Variants in CACNA1C observed in about 807,000 individuals in gnomAD.
CACNA1C encodes the protein calcium voltage-gated channel subunit alpha1 C, also known as voltage-dependent L-type calcium channel subunit alpha-1C.
Under a neutral mutation model 229.0 loss-of-function variants are expected in CACNA1C, and 30 were observed. The ratio of observed to expected loss-of-function variants is 0.13; its 90% CI spans 0.10 to 0.18. The LOEUF is 0.18. CACNA1C is among the 10% of genes least tolerant of loss of function. The probability of loss-of-function intolerance (pLI) is 1.00; values close to 1 mark genes in which losing one functional copy is unlikely to be tolerated. For synonymous variants in CACNA1C, 1,114 were observed against 1,132.5 expected (o/e 0.98, Z 0.33); for missense variants, 1,658 against 2,845.0 (o/e 0.58, Z 9.49).
At chr12:2,385,758 C>G (rs2098371846) in intron 3 of CACNA1C, among the ~76,000 whole-genome samples, 1 of 152,172 alleles carries the variant, frequency 6.6e-6, no homozygotes, top group Non-Finnish European at 1.5e-5. Flanking sequence ...ACATGGGCTA[C>G]AAATAGGTGG....
chr12:2,339,271 G>A (rs2096790592), intron 3 of CACNA1C, among the ~76,000 whole-genome samples: 1 of 152,220 alleles, frequency 6.6e-6, no homozygotes, highest in Non-Finnish European at 1.5e-5. Flanking sequence ...AAGGTACAAA[G>A]TACAGTATAA....
At chr12:2,655,439 T>G (rs999153632) in intron 34 of CACNA1C, among the ~76,000 whole-genome samples, 2 of 152,200 alleles carry the variant, frequency 1.3e-5, no homozygotes, top group Admixed American at 6.5e-5. Context: ...CACTATGCAC[T>G]GGCACACCTG....
Position 2,486,435 on chromosome 12 carries a change from CA to C in CACNA1C, c.916+174del, listed in dbSNP as rs1232993473. ...GCAGAGACCCGTATCCTTTTTTTCT[CA>C]GTTCCAATTTTTGTTTTAATCTCTG... On this transcript the variant is annotated intron_variant, in intron 6 of 46. Coordinates refer to ENST00000399655, the MANE Select transcript of CACNA1C (RefSeq NM_000719.7). The surrounding 1 kb of genome is among the most constrained non-coding windows in gnomAD (Gnocchi z 4.9). 6.6e-6 allele frequency among the ~76,000 whole-genome samples: 1 copy of C among 152,158 alleles called. No homozygotes were observed. The highest frequency in any genetic ancestry group is 1.5e-5 in the Non-Finnish European group (1 of 68,016).
At chr12:2,421,929 C>T (rs568345435) in intron 3 of CACNA1C, among the ~76,000 whole-genome samples, 6 of 151,846 alleles carry the variant, frequency 4.0e-5, no homozygotes, top group African/African-American at 1.4e-4. Context: ...AAAAAAGCAT[C>T]GCAATTCTCT....
intron 3 of CACNA1C, among the ~76,000 whole-genome samples, chr12:2,131,848 A>C (rs879405431): frequency 3.5e-3 from 514 of 147,822 alleles, no homozygotes; most frequent in Middle Eastern, 0.011. Flanking sequence ...GAAGAAAGTC[A>C]TTGGTAGCTT....
At chr12:2,570,080 G>A (rs1230795447) in intron 13 of CACNA1C, among the ~76,000 whole-genome samples, 2 of 152,160 alleles carry the variant, frequency 1.3e-5, no homozygotes, top group Admixed American at 6.5e-5. Flanking sequence ...CTTAATGTGC[G>A]TTATGATCAA....
chr12:2,247,266 C>T (rs550780795), intron 3 of CACNA1C, among the ~76,000 whole-genome samples: 4 of 152,312 alleles, frequency 2.6e-5, no homozygotes, highest in East Asian at 3.9e-4. Flanking sequence ...GGAGCACCCT[C>T]GCCTTTTCCT....
chr12:2,018,801 A>G (rs2045874390), intron 1 of CACNA1C, among the ~76,000 whole-genome samples: 1 of 152,212 alleles, frequency 6.6e-6, no homozygotes, highest in Non-Finnish European at 1.5e-5. Context: ...CAAAATTTAC[A>G]TGTGAGTAGA....
At position 2,509,031 on chromosome 12, in the gene CACNA1C, G is replaced by A. The variant is rs969646460; in HGVS notation, c.1218-3781G>A. Among the ~76,000 whole-genome samples the A allele has an allele frequency of 6.6e-5, 10 of 152,298 alleles. 1 individual carries two copies. Among genetic ancestry groups the A allele is most frequent in the Admixed American group, 4.6e-4 (7 of 15,308 alleles). On this transcript the variant is annotated intron_variant, in intron 8 of 46. Coordinates refer to ENST00000399655, the MANE Select transcript of CACNA1C (RefSeq NM_000719.7). The stretch of plus-strand genomic sequence containing the variant: ...ACTCTGGTTGCTTTTTGTTTTAAGC[G>A]ACTGCAAACAGAGGGCTTGGGAAGT...
intron 3 of CACNA1C, among the ~76,000 whole-genome samples, chr12:2,398,907 G>A (rs11837977): frequency 0.014 from 2,158 of 152,230 alleles, 53 homozygotes; most frequent in African/African-American, 0.047. Context: ...TAGTATTTTT[G>A]TTATTGGTAA....
At position 2,595,286 on chromosome 12, in the gene CACNA1C, C is replaced by T. The variant is rs1178090210; in HGVS notation, c.2664-588C>T. 6.6e-6 allele frequency among the ~76,000 whole-genome samples: 1 copy of T among 152,188 alleles called. No homozygotes were observed. Among genetic ancestry groups the T allele is most frequent in the Non-Finnish European group, 1.5e-5 (1 of 68,032 alleles). On this transcript the variant is annotated intron_variant, in intron 19 of 46. Transcript: ENST00000399655. The surrounding 1 kb of genome is among the most constrained non-coding windows in gnomAD (Gnocchi z 4.1). Reference sequence around the variant, plus strand: ...GTGAAATGAAGATGATGACACCCATCCCTTCCTTCCTACATTGCTGTCAAG... The same window carrying T: ...GTGAAATGAAGATGATGACACCCATTCCTTCCTTCCTACATTGCTGTCAAG...
chr12:2,420,258 C>T (rs1173373481), intron 3 of CACNA1C, among the ~76,000 whole-genome samples: 4 of 152,096 alleles, frequency 2.6e-5, no homozygotes, highest in Non-Finnish European at 5.9e-5. Flanking sequence ...TCTTTCCCTC[C>T]ATCCTTGGAA....
intron 3 of CACNA1C, among the ~76,000 whole-genome samples, chr12:2,177,894 C>T (rs1300384666): frequency 6.6e-6 from 1 of 152,070 alleles, no homozygotes; most frequent in Non-Finnish European, 1.5e-5. Context: ...GCCTCTGCCT[C>T]CCAAAGTGCT....
chr12:2,617,432 C>T (rs1169830249), intron 29 of CACNA1C, among the ~76,000 whole-genome samples: 3 of 152,192 alleles, frequency 2.0e-5, no homozygotes, highest in Non-Finnish European at 4.4e-5. Flanking sequence ...ACCTGGAGTT[C>T]GTGTGCCAAA....
intron 3 of CACNA1C, among the ~76,000 whole-genome samples, chr12:2,370,282 A>G (rs903133605): frequency 6.6e-6 from 1 of 152,244 alleles, no homozygotes; most frequent in Non-Finnish European, 1.5e-5. Flanking sequence ...ACCTTTCTGG[A>G]AACAATTTAG....
chr12:2,217,542 C>T (rs556176284), intron 3 of CACNA1C: 2 of 152,298 alleles, frequency 1.3e-5, no homozygotes, highest in East Asian at 3.9e-4. Context: ...CACTTGATAT[C>T]TAGATGTATT....
intron 5 of CACNA1C, 67 bp downstream of exon 5, chr12:2,457,773 T>G (rs1029152161): frequency 2.2e-5 from 29 of 1,346,556 alleles, no homozygotes; most frequent in Non-Finnish European, 2.8e-5. Flanking sequence ...TTTGCTGAAT[T>G]GCCAAGAACA....
intron 7 of CACNA1C, among the ~76,000 whole-genome samples, chr12:2,503,242 G>A (rs1022475683): frequency 6.6e-6 from 1 of 152,202 alleles, no homozygotes; most frequent in African/African-American, 2.4e-5. Context: ...GTCCCCAGGT[G>A]ACGCTGAAGC....
At chr12:2,681,707 C>CGA (rs148748662) in intron 42 of CACNA1C, among the ~76,000 whole-genome samples, 180 of 152,214 alleles carry the variant, frequency 1.2e-3, no homozygotes, top group African/African-American at 3.9e-3. Flanking sequence ...TCCTCCTCCT[C>CGA]GAGAGAGAGA....
Sources: allele counts gnomAD v4.1 joint callset (sites outside exome capture counted in the v4.1 genomes callset), GRCh38; gene constraint gnomAD v4.1.1; non-coding constraint Gnocchi (gnomAD v3.1); transcripts MANE v1.5; gene names NCBI Gene and HGNC (gene_info 2026-07-23, HGNC 2026-07-21).